The following LDLRAD4 variants were observed in gnomAD, a reference collection of about 807,000 sequenced individuals.
LDLRAD4 encodes the protein low density lipoprotein receptor class A domain containing 4, also known as low-density lipoprotein receptor class A domain-containing protein 4.
In LDLRAD4, 5 loss-of-function variants were observed where a neutral mutation model predicts 17.0. That is an observed-to-expected ratio of 0.29 (90% CI 0.15 to 0.62). The LOEUF is 0.62. Among genes scored for constraint, LDLRAD4 ranks in the 20% least tolerant of loss-of-function variants. The probability of loss-of-function intolerance (pLI) is 0.84; values close to 1 mark genes in which losing one functional copy is unlikely to be tolerated. For synonymous variants in LDLRAD4, 168 were observed against 171.8 expected (o/e 0.98, Z 0.17); for missense variants, 340 against 424.7 (o/e 0.80, Z 1.75).
exon 6 of LDLRAD4, chr18:13,650,275 C>T (rs2043188910): frequency 1.0e-5 from 4 of 401,296 alleles, no homozygotes; most frequent in East Asian, 3.6e-5. Flanking sequence ...TGCTGCTTCT[C>T]GAACTGGATG....
intron 1 of LDLRAD4, among the ~76,000 whole-genome samples, chr18:13,360,239 A>G (rs2083582282): frequency 1.3e-5 from 2 of 152,214 alleles, no homozygotes; most frequent in Admixed American, 1.3e-4. Context: ...CACATCTCGG[A>G]GCCACTTTGG....
intron 3 of LDLRAD4, among the ~76,000 whole-genome samples, chr18:13,586,572 C>CA (rs1366645709): frequency 2.0e-4 from 31 of 151,884 alleles, no homozygotes; most frequent in African/African-American, 7.0e-4. Flanking sequence ...TCCATATATA[C>CA]AAGGATCTCT....
At chr18:13,350,183 C>T (rs1354499500) in intron 1 of LDLRAD4, among the ~76,000 whole-genome samples, 1 of 152,132 alleles carries the variant, frequency 6.6e-6, no homozygotes, top group Non-Finnish European at 1.5e-5. Flanking sequence ...ATTTCTGGTT[C>T]TAGATCCTTG....
intron 1 of LDLRAD4, among the ~76,000 whole-genome samples, chr18:13,282,100 A>G (rs917644914): frequency 2.6e-5 from 4 of 152,164 alleles, no homozygotes; most frequent in Non-Finnish European, 5.9e-5. Context: ...TATCATGAGA[A>G]TAGTATGGGA....
intron 3 of LDLRAD4, among the ~76,000 whole-genome samples, chr18:13,593,948 C>T (rs2095060506): frequency 6.6e-6 from 1 of 152,194 alleles, no homozygotes; most frequent in Non-Finnish European, 1.5e-5. Flanking sequence ...GTGCACATCA[C>T]CACACCCAGC....
chr18:13,340,717 A>G (rs2082330091), intron 1 of LDLRAD4, among the ~76,000 whole-genome samples: 1 of 152,158 alleles, frequency 6.6e-6, no homozygotes, highest in African/African-American at 2.4e-5. Context: ...TGGATGCTCA[A>G]AATTACTTAA....
intron 1 of LDLRAD4, among the ~76,000 whole-genome samples, chr18:13,301,124 C>T (rs777125724): frequency 7.2e-5 from 11 of 152,156 alleles, no homozygotes; most frequent in Non-Finnish European, 1.5e-4. Flanking sequence ...GCATTTCCAG[C>T]CAGTGAGTTT....
intron 1 of LDLRAD4, among the ~76,000 whole-genome samples, chr18:13,360,136 A>T (rs1418430217): frequency 6.6e-6 from 1 of 152,224 alleles, no homozygotes; most frequent in East Asian, 1.9e-4. Context: ...AGGCTTGGCC[A>T]CATGGAATCT....
intron 5 of LDLRAD4, chr18:13,644,820 G>A: frequency 2.9e-6 from 1 of 345,118 alleles, no homozygotes; most frequent in Admixed American, 4.5e-5. Context: ...GTTTCCAAGG[G>A]GAAAATGCAC....
Position 13,645,143 on chromosome 18 carries a change from G to C in LDLRAD4, c.407G>C (p.Arg136Pro), listed in dbSNP as rs201156970. Residue 136 changes from arginine to proline, a missense_variant, in exon 6 of 6, where the codon CGG (arginine) becomes CCG (proline). Arg to Pro is a moderately radical substitution (Grantham distance 103). Coordinates refer to ENST00000359446, the Ensembl canonical transcript of LDLRAD4. The surrounding 1 kb of genome is among the most constrained non-coding windows in gnomAD (Gnocchi z 5.7). Reference sequence around the variant, plus strand: ...TCCTTCCAGATCATGCATGCCCCGCGGTCCAGGGACAGGTTCACAGCGCCG... The same window carrying C: ...TCCTTCCAGATCATGCATGCCCCGCCGTCCAGGGACAGGTTCACAGCGCCG... 6.2e-7 allele frequency: 1 copy of C among 1,609,856 alleles called. No individual in the cohort carries two copies. Among genetic ancestry groups the C allele is most frequent in the Non-Finnish European group, 8.5e-7 (1 of 1,177,148 alleles).
rs567328218 is a variant in LDLRAD4, at chr18:13,300,539, G to A, written c.-383+22351G>A. On this transcript the variant is annotated intron_variant, in intron 1 of 5. Coordinates refer to ENST00000359446, the Ensembl canonical transcript of LDLRAD4. This position sits in a 1 kb window ranked among gnomAD's most constrained non-coding sequence, Gnocchi z 4.2. ...TCACTCTTCCTCCTGGGCCTGTCCC[G>A]GTAGAGATACCCGGAACCCTCTCCT... Among the ~76,000 whole-genome samples, 3 of 152,076 alleles carry A rather than the reference G, an allele frequency of 2.0e-5. No homozygotes were observed. The highest frequency in any genetic ancestry group is 2.9e-5 in the Non-Finnish European group (2 of 68,038).
chr18:13,392,234 C>T (rs550431265), intron 2 of LDLRAD4, among the ~76,000 whole-genome samples: 5 of 152,364 alleles, frequency 3.3e-5, no homozygotes, highest in East Asian at 3.9e-4. Context: ...GTGCGTGGAG[C>T]GGCCCCCACC....
intron 3 of LDLRAD4, among the ~76,000 whole-genome samples, chr18:13,469,746 T>C (rs1207089236): frequency 2.6e-5 from 4 of 152,182 alleles, no homozygotes; most frequent in African/African-American, 9.7e-5. Context: ...ACTTTACTGC[T>C]TGATGGTTAC....
At chr18:13,513,263 T>C (rs1785154) in intron 3 of LDLRAD4, among the ~76,000 whole-genome samples, 149,206 of 152,314 alleles carry the variant, frequency 0.98, 73,133 homozygotes, top group Middle Eastern at 1. Flanking sequence ...ACCCTTCCTG[T>C]CTCCAGGCTT....
chr18:13,220,122 T>C (rs1157059695), intron 1 of LDLRAD4, among the ~76,000 whole-genome samples: 1 of 152,250 alleles, frequency 6.6e-6, no homozygotes. Flanking sequence ...TTCTAAGCAG[T>C]GCTTTTTAAA....
At chr18:13,354,478 A>G (rs574917186) in intron 1 of LDLRAD4, among the ~76,000 whole-genome samples, 205 of 152,286 alleles carry the variant, frequency 1.3e-3, no homozygotes, top group Non-Finnish European at 1.8e-3. Flanking sequence ...ACATTCTGTA[A>G]TTTTGACATA....
At chr18:13,577,078 C>CT (rs986451190) in intron 3 of LDLRAD4, among the ~76,000 whole-genome samples, 11 of 69,490 alleles carry the variant, frequency 1.6e-4, no homozygotes, top group African/African-American at 2.2e-4. Flanking sequence ...TGCGGTTTAG[C>CT]ATTTTTTTTT....
chr18:13,314,765 G>A (rs1471247681), intron 1 of LDLRAD4, among the ~76,000 whole-genome samples: 1 of 152,222 alleles, frequency 6.6e-6, no homozygotes, highest in Non-Finnish European at 1.5e-5. Flanking sequence ...GGCTGTGTGA[G>A]TGTAAGAGAC....
Position 13,398,361 on chromosome 18 carries a change from G to A in LDLRAD4, c.40+10599G>A, listed in dbSNP as rs149302731. Among the ~76,000 whole-genome samples the A allele has an allele frequency of 9.2e-5, 14 of 152,160 alleles. No individual in the cohort carries two copies. Among genetic ancestry groups the A allele is most frequent in the South Asian group, 6.2e-4 (3 of 4,818 alleles). ...ACAGCGTCACGGTGGTGATGCTTGC[G>A]TAGCAGTGTGAGAGTGCAAACCTGA... On this transcript the variant is annotated intron_variant, in intron 2 of 5. Transcript: ENST00000359446. The surrounding 1 kb of genome is among the most constrained non-coding windows in gnomAD (Gnocchi z 4.8).
Sources: gnomAD v4.1 joint callset for allele counts (sites outside exome capture counted in the v4.1 genomes callset) on GRCh38, gnomAD v4.1.1 for gene constraint, Gnocchi (gnomAD v3.1) non-coding constraint, MANE v1.5 for transcripts, NCBI Gene and HGNC (gene_info 2026-07-23, HGNC 2026-07-21) for gene names.